OSBPL1A: variants seen among roughly 807,000 people sequenced by gnomAD.
OSBPL1A encodes the protein oxysterol binding protein like 1A.
A neutral mutation model predicts 137.1 loss-of-function variants in OSBPL1A; 80 were observed. The ratio of observed to expected loss-of-function variants is 0.58; its 90% confidence interval spans 0.49 to 0.70. The LOEUF is 0.70. Among genes scored for constraint, OSBPL1A ranks in the 30% least tolerant of loss-of-function variants. The pLI is 0.00. For synonymous variants in OSBPL1A, 365 were observed against 389.7 expected (o/e 0.94, Z 0.75); for missense variants, 970 against 1,129.4 (o/e 0.86, Z 2.02).
rs76021454 is a variant in OSBPL1A, at chr18:24,198,851, T to G, written c.1602-2651A>C. Among the ~76,000 whole-genome samples the G allele has an allele frequency of 3.2e-4, 38 of 119,750 alleles. 1 individual carries two copies. In the East Asian group the frequency reaches 5.6e-3, roughly 18 times the overall value. 78.6% of individuals were successfully genotyped at this position (119,750 alleles called of 152,430 possible). On this transcript the variant is annotated intron_variant, in intron 17 of 27. Transcript: ENST00000319481. ...CTCAGGTGTCACTGTTGTTTTGGTG[T>G]TTTTTTTTGTTGTTTTTTTTTTTTG... is the stretch of plus-strand genomic sequence containing the variant.
At chr18:24,362,304 T>G (rs1237983406) in intron 4 of OSBPL1A, among the ~76,000 whole-genome samples, 1 of 152,154 alleles carries the variant, frequency 6.6e-6, no homozygotes, top group Non-Finnish European at 1.5e-5. Flanking sequence ...CAGCTCATAT[T>G]TGAAACCCCA....
intron 17 of OSBPL1A, among the ~76,000 whole-genome samples, chr18:24,217,209 T>A (rs2087729712): frequency 6.6e-6 from 1 of 151,630 alleles, no homozygotes; most frequent in Non-Finnish European, 1.5e-5. Context: ...GATCATTTTA[T>A]AAGGAGGTGT....
At chr18:24,256,799 A>G (rs2089288207) in intron 15 of OSBPL1A, among the ~76,000 whole-genome samples, 1 of 152,100 alleles carries the variant, frequency 6.6e-6, no homozygotes, top group Non-Finnish European at 1.5e-5. Flanking sequence ...AATCAGTAGC[A>G]TTTCTACATG....
chr18:24,219,588 A>G (rs1224265878), intron 17 of OSBPL1A, among the ~76,000 whole-genome samples: 6 of 152,252 alleles, frequency 3.9e-5, no homozygotes, highest in Middle Eastern at 3.4e-3. Flanking sequence ...TTTACCTACA[A>G]TAATCACTCA....
At position 24,271,899 on chromosome 18, in the gene OSBPL1A, C is replaced by A; in HGVS notation, c.1281+8943G>T. 3.0e-6 allele frequency: 3 copies of A among 984,508 alleles called. No homozygotes were observed. The highest frequency in any genetic ancestry group is 3.6e-6 in the Non-Finnish European group (3 of 829,696). The allele number at this position is 984,508 out of a possible 1,614,324, so 61.0% of individuals were successfully genotyped here. On this transcript the variant is annotated intron_variant, in intron 15 of 27. Coordinates refer to ENST00000319481, the MANE Select transcript of OSBPL1A (RefSeq NM_080597.4). This position sits in a 1 kb window ranked among gnomAD's most constrained non-coding sequence, Gnocchi z 4.0. ...CCCAGGACTCCCGCGCCGCGCCCGC[C>A]CGGGCCGCAGAGGTCTGCGCTGCCC...
intron 13 of OSBPL1A, among the ~76,000 whole-genome samples, chr18:24,306,430 C>A (rs946493293): frequency 1.3e-5 from 2 of 152,110 alleles, no homozygotes. Context: ...TGCAGAAAAT[C>A]CACATTTGGT....
At chr18:24,182,390 T>C (rs1388732677) in intron 18 of OSBPL1A, among the ~76,000 whole-genome samples, 1 of 152,210 alleles carries the variant, frequency 6.6e-6, no homozygotes. Context: ...TCTGACAATC[T>C]TCCCAAACTT....
At chr18:24,366,020 C>A (rs1168419660) in intron 4 of OSBPL1A, among the ~76,000 whole-genome samples, 1 of 152,152 alleles carries the variant, frequency 6.6e-6, no homozygotes. Context: ...CTTCTCCCCA[C>A]CCCTCAGACA....
chr18:24,253,171 G>A lies in OSBPL1A; in HGVS notation c.1282-13789C>T, dbSNP rs2089157458. On this transcript the variant is annotated intron_variant, in intron 15 of 27. Coordinates refer to ENST00000319481, the MANE Select transcript of OSBPL1A (RefSeq NM_080597.4). ...CTCTCCAATGAAAAGACATGGCGGG[G>A]GGGGGCGCTGAATGGATGAAAAAAA... 1.4e-5 allele frequency among the ~76,000 whole-genome samples: 2 copies of A among 141,556 alleles called. 1 individual carries two copies. 92.9% of individuals were successfully genotyped at this position (141,556 alleles called of 152,430 possible).
chr18:24,172,094 C>G (rs939782367), intron 22 of OSBPL1A, among the ~76,000 whole-genome samples: 5 of 152,084 alleles, frequency 3.3e-5, no homozygotes, highest in Admixed American at 2.0e-4. Context: ...GCACCCGCCA[C>G]CGTGCCCGGC....
chr18:24,256,440 C>T (rs1427653109), intron 15 of OSBPL1A, among the ~76,000 whole-genome samples: 1 of 152,018 alleles, frequency 6.6e-6, no homozygotes, highest in Middle Eastern at 3.4e-3. Flanking sequence ...GACAAAAACC[C>T]TCAAAAAACT....
intron 14 of OSBPL1A, among the ~76,000 whole-genome samples, chr18:24,299,393 G>T (rs1192081229): frequency 2.6e-5 from 4 of 151,974 alleles, no homozygotes; most frequent in East Asian, 1.9e-4. Flanking sequence ...TCACAATTTA[G>T]AACTCCTTTT....
intron 16 of OSBPL1A, among the ~76,000 whole-genome samples, chr18:24,230,885 T>C (rs1251967811): frequency 6.6e-6 from 1 of 152,260 alleles, no homozygotes; most frequent in East Asian, 1.9e-4. Context: ...GATAAGCACT[T>C]ATTTGTGGGT....
At chr18:24,351,284 G>T (rs1195973944) in intron 4 of OSBPL1A, among the ~76,000 whole-genome samples, 1 of 143,792 alleles carries the variant, frequency 7.0e-6, no homozygotes, top group Non-Finnish European at 1.5e-5. Context: ...GGGAGGCAAA[G>T]GTTGCAGTGA....
chr18:24,312,030 TC>T lies in OSBPL1A; in HGVS notation c.1045del (p.Glu349ArgfsTer11). 6.2e-7 allele frequency: 1 copy of T among 1,614,152 alleles called. No homozygotes were observed. The highest frequency in any genetic ancestry group is 8.5e-7 in the Non-Finnish European group (1 of 1,179,990). On this transcript the variant is annotated frameshift_variant, in exon 13 of 28. Coordinates refer to ENST00000319481, the MANE Select transcript of OSBPL1A (RefSeq NM_080597.4). LOFTEE classifies it high-confidence loss of function. The part of the protein sequence containing the change: ...YCSQDQLTDE[E>X]EEDTVSAADL... ...TGCAGCAGAAACCGTATCTTCCTCC[TC>T]CTCATCAGTCAGCTGGTCCTGGGAA...
intron 13 of OSBPL1A, among the ~76,000 whole-genome samples, chr18:24,308,772 A>AC (rs1209214049): frequency 2.6e-4 from 39 of 148,486 alleles, no homozygotes; most frequent in Admixed American, 1.7e-3. Flanking sequence ...GAACAACTGA[A>AC]TTTTTTTTTT....
intron 14 of OSBPL1A, chr18:24,301,425 C>A (rs2090397854): frequency 6.6e-6 from 1 of 152,194 alleles, no homozygotes; most frequent in South Asian, 2.1e-4. Flanking sequence ...AATTAATCTT[C>A]ATATTTCGTA....
At chr18:24,280,563 C>A (rs1311725710) in intron 15 of OSBPL1A, among the ~76,000 whole-genome samples, 3 of 152,176 alleles carry the variant, frequency 2.0e-5, no homozygotes, top group Non-Finnish European at 4.4e-5. Flanking sequence ...ATTTTCACAT[C>A]TCTCTTATTG....
intron 16 of OSBPL1A, among the ~76,000 whole-genome samples, chr18:24,226,372 C>A (rs1270986984): frequency 1.3e-5 from 2 of 152,286 alleles, no homozygotes; most frequent in East Asian, 3.9e-4. Flanking sequence ...TGGCTCAAAA[C>A]AGCAGTCACT....
Sources: gnomAD v4.1 joint callset for allele counts (sites outside exome capture counted in the v4.1 genomes callset) on GRCh38, gnomAD v4.1.1 for gene constraint, Gnocchi (gnomAD v3.1) non-coding constraint, MANE v1.5 for transcripts, NCBI Gene and HGNC (gene_info 2026-07-23, HGNC 2026-07-21) for gene names.